Variants in WDR89 observed in about 807,000 individuals in gnomAD.
The protein encoded by WDR89 is WD repeat-containing protein 89.
WDR89 carries 17 observed loss-of-function variants against 29.1 expected under a neutral mutation model. That is an observed-to-expected ratio of 0.58 (90% CI 0.40 to 0.88). WDR89 has a LOEUF of 0.88. WDR89 is among the 40% of genes least tolerant of loss of function. WDR89 has a pLI of 0.00. For synonymous variants in WDR89, 138 were observed against 157.8 expected (o/e 0.87, Z 0.94); for missense variants, 396 against 456.3 (o/e 0.87, Z 1.20).
chr14:63,618,601 A>G (rs1882467634), intron 2 of WDR89, among the ~76,000 whole-genome samples: 1 of 152,220 alleles, frequency 6.6e-6, no homozygotes, highest in Non-Finnish European at 1.5e-5. Context: ...AAGAAGAAAG[A>G]GAAAGAATGA....
chr14:63,604,837 G>A (rs1895233004), intron 2 of WDR89, among the ~76,000 whole-genome samples: 1 of 152,130 alleles, frequency 6.6e-6, no homozygotes, highest in Non-Finnish European at 1.5e-5. Context: ...CCACATTTAT[G>A]ATAGTTAAGA....
At chr14:63,617,303 ACTCCTGAC>A (rs1287457675) in intron 2 of WDR89, among the ~76,000 whole-genome samples, 1 of 151,498 alleles carries the variant, frequency 6.6e-6, no homozygotes, top group East Asian at 1.9e-4. Flanking sequence ...CTGGTTGCAA[ACTCCTGAC>A]CTCAGGTGAT....
intron 2 of WDR89, among the ~76,000 whole-genome samples, chr14:63,602,906 TTTTAAAA>T (rs1481983653): frequency 1.3e-5 from 2 of 152,200 alleles, no homozygotes; most frequent in African/African-American, 4.8e-5. Flanking sequence ...GATTTGGGTT[TTTTAAAA>T]TTTATTTTAT....
intron 2 of WDR89, among the ~76,000 whole-genome samples, chr14:63,612,405 A>ATGATGTT (rs1182200050): frequency 6.7e-6 from 1 of 149,436 alleles, no homozygotes; most frequent in African/African-American, 2.5e-5. Flanking sequence ...TGCTCACTGC[A>ATGATGTT]ACCTCTGCCT....
chr14:63,609,744 C>T (rs867418722), intron 2 of WDR89, among the ~76,000 whole-genome samples: 4 of 151,612 alleles, frequency 2.6e-5, no homozygotes, highest in South Asian at 2.1e-4. Context: ...GAGCCAAGAT[C>T]GCGCCACTGC....
At position 63,636,340 on chromosome 14, in the gene WDR89, C is replaced by T. The variant is rs140197294; in HGVS notation, c.-138+5464G>A. Among the ~76,000 whole-genome samples, 4 of 152,266 alleles carry T rather than the reference C, an allele frequency of 2.6e-5. No individual in the cohort carries two copies. In the East Asian group the frequency reaches 7.7e-4, roughly 29 times the overall value. On this transcript the variant is annotated intron_variant, in intron 1 of 2. Coordinates refer to ENST00000620954, the MANE Select transcript of WDR89 (RefSeq NM_080666.4). ...AGTATTGTGAAAATGACCATGCTGC[C>T]AAAAGCAATGTGCAAATTCAATGCA...
At chr14:63,616,124 G>A (rs1220159435) in intron 2 of WDR89, among the ~76,000 whole-genome samples, 1 of 151,882 alleles carries the variant, frequency 6.6e-6, no homozygotes, top group African/African-American at 2.4e-5. Context: ...TGTACAGGGC[G>A]TGGTGGCCTG....
chr14:63,640,373 A>T (rs968142524), intron 1 of WDR89, among the ~76,000 whole-genome samples: 1 of 152,220 alleles, frequency 6.6e-6, no homozygotes, highest in African/African-American at 2.4e-5. Flanking sequence ...GAAAAAGCTG[A>T]TGCTGACTTG....
At chr14:63,619,784 C>A (rs990523942) in intron 2 of WDR89, among the ~76,000 whole-genome samples, 2 of 151,972 alleles carry the variant, frequency 1.3e-5, no homozygotes, top group African/African-American at 4.8e-5. Context: ...GCAGGAGGAT[C>A]ACTTGAGGTC....
chr14:63,604,478 G>GA (rs11406369), intron 2 of WDR89, among the ~76,000 whole-genome samples: 17,290 of 152,054 alleles, frequency 0.11, 2,297 homozygotes, highest in African/African-American at 0.32. Context: ...CAAAGGTGTA[G>GA]AAAAAAATAT....
At chr14:63,605,464 C>CTT (rs748916368) in intron 2 of WDR89, among the ~76,000 whole-genome samples, 1 of 145,460 alleles carries the variant, frequency 6.9e-6, no homozygotes, top group Admixed American at 7.0e-5. Context: ...CAATACTATA[C>CTT]TTTTTTTTTT....
chr14:63,621,813 G>A (rs991299658), intron 2 of WDR89: 1 of 152,154 alleles, frequency 6.6e-6, no homozygotes, highest in African/African-American at 2.4e-5. Context: ...GTCAGTTACA[G>A]GTCAAACTCC....
intron 1 of WDR89, among the ~76,000 whole-genome samples, chr14:63,640,513 T>C (rs900776053): frequency 2.6e-5 from 4 of 151,940 alleles, no homozygotes; most frequent in Non-Finnish European, 5.9e-5. Context: ...TTTTGAGACG[T>C]TGTCTCACTC....
intron 2 of WDR89, among the ~76,000 whole-genome samples, chr14:63,620,897 C>CAAAAAAAAAAAAAAAAA (rs539451063): frequency 1.2e-5 from 1 of 82,988 alleles, no homozygotes; most frequent in African/African-American, 5.3e-5. Flanking sequence ...GACTCCATCT[C>CAAAAAAAAAAAAAAAAA]AAAAAAAAAA....
At chr14:63,616,135 G>A (rs1297094450) in intron 2 of WDR89, among the ~76,000 whole-genome samples, 2 of 151,976 alleles carry the variant, frequency 1.3e-5, no homozygotes, top group African/African-American at 2.4e-5. Flanking sequence ...TGGTGGCCTG[G>A]TGGTAGTCTC....
At chr14:63,640,089 T>C (rs1884003533) in intron 1 of WDR89, among the ~76,000 whole-genome samples, 1 of 152,214 alleles carries the variant, frequency 6.6e-6, no homozygotes, top group East Asian at 1.9e-4. Flanking sequence ...GTAACATAGC[T>C]GCATTCACAG....
Position 63,599,459 on chromosome 14 carries a change from G to A in WDR89, c.484C>T (p.Leu162Phe), listed in dbSNP as rs770313000. ...SQNLSTTKDS[L>F]GAYSETHSDD... ...CTATGTGTCTCTGAATATGCACCAA[G>A]TGAGTCTTTAGTTGTAGATAAATTC... Residue 162 changes from leucine (L) to phenylalanine (F), a missense_variant, in exon 3 of 3, where the codon CTT (leucine) becomes TTT (phenylalanine). Physicochemically the swap from Leu to Phe is conservative, Grantham distance 22. Coordinates refer to ENST00000620954, the MANE Select transcript of WDR89 (RefSeq NM_080666.4). 1.9e-6 allele frequency: 3 copies of A among 1,614,168 alleles called. No individual in the cohort carries two copies. Among genetic ancestry groups the A allele is most frequent in the East Asian group, 2.2e-5 (1 of 44,878 alleles).
rs35230660 is a variant in WDR89 at position 63,627,150 on chromosome 14, ACTCTCTCTCTCT to A, written c.-137-2129_-137-2118del. 2.0e-3 allele frequency among the ~76,000 whole-genome samples: 255 copies of A among 127,270 alleles called. 4 individuals carry two copies. The East Asian group carries it at 0.022, about 11-fold the overall frequency. The allele number at this position is 127,270 out of a possible 152,430, so 83.5% of individuals were successfully genotyped here. ...CACACACACACACACACACACACAC[ACTCTCTCTCTCT>A]CTCTCTCTCTCTCTCTCTCTCCTCT... On this transcript the variant is annotated intron_variant, in intron 1 of 2. Coordinates refer to ENST00000620954, the MANE Select transcript of WDR89 (RefSeq NM_080666.4).
At chr14:63,607,855 T>C (rs1298566073) in intron 2 of WDR89, among the ~76,000 whole-genome samples, 1 of 134,442 alleles carries the variant, frequency 7.4e-6, no homozygotes, top group Non-Finnish European at 1.5e-5. Flanking sequence ...CACTCCAGCC[T>C]GGGCAACAAG....
Sources: gnomAD v4.1 joint callset for allele counts (sites outside exome capture counted in the v4.1 genomes callset) on GRCh38, gnomAD v4.1.1 for gene constraint, MANE v1.5 for transcripts, NCBI Gene and HGNC (gene_info 2026-07-23, HGNC 2026-07-21) for gene names.